The following CEP350 variants were observed in gnomAD, a reference collection of about 807,000 sequenced individuals.
CEP350 encodes centrosomal protein 350, also known as centrosome-associated protein 350.
A neutral mutation model predicts 331.8 loss-of-function variants in CEP350; 126 were observed. The observed-to-expected ratio is 0.38, with a 90% CI of 0.33 to 0.44. CEP350 has a LOEUF of 0.44. Ranked by LOEUF, CEP350 falls within the 20% of genes least tolerant of loss-of-function variation. The probability of loss-of-function intolerance (pLI) is 1.00; values close to 1 mark genes in which losing one functional copy is unlikely to be tolerated. For synonymous variants in CEP350, 1,200 were observed against 1,259.5 expected (o/e 0.95, Z 1.00); for missense variants, 3,406 against 3,634.6 (o/e 0.94, Z 1.62).
At position 179,992,167 on chromosome 1, in the gene CEP350, G is replaced by A. The variant is rs377285686; in HGVS notation, c.341G>A (p.Ser114Asn). Reference sequence around the variant, plus strand: ...CCTCTCAGGGCCACCACCCTGGAGAGTAATGTGAAGAAAAATAATCGTGTG... The same window carrying A: ...CCTCTCAGGGCCACCACCCTGGAGAATAATGTGAAGAAAAATAATCGTGTG... ...RSPLRATTLE[S>N]NVKKNNRVEF... is the part of the protein sequence containing the mutation. Residue 114 changes from serine to asparagine, a missense_variant, in exon 5 of 38, where the codon AGT (serine) becomes AAT (asparagine). Around this residue, in one of 5 missense-constraint regions of CEP350, gnomAD observed 1,857 missense variants for 1,909.2 expected, o/e 0.97. Transcript: ENST00000367607. The A allele has an allele frequency of 8.5e-6, 13 of 1,521,482 alleles. No individual in the cohort carries two copies. The African/African-American group carries it at 1.6e-4, about 18-fold the overall frequency. The allele number at this position is 1,521,482 out of a possible 1,614,324, so 94.2% of individuals were successfully genotyped here. A position where few individuals can be genotyped will look rare whatever the true frequency, so the allele number is the denominator to read the frequency against.
chr1:180,057,699 A>C (rs1395740151), intron 25 of CEP350, among the ~76,000 whole-genome samples: 1 of 151,942 alleles, frequency 6.6e-6, no homozygotes, highest in Non-Finnish European at 1.5e-5. Context: ...ATTTTATTAG[A>C]GTTATCAACT....
At chr1:180,056,880 CAAATT>C (rs1657883898) in intron 25 of CEP350, among the ~76,000 whole-genome samples, 2 of 152,180 alleles carry the variant, frequency 1.3e-5, no homozygotes, top group African/African-American at 4.8e-5. Context: ...TTCCTTAAAA[CAAATT>C]AAAAACTAAA....
intron 37 of CEP350, among the ~76,000 whole-genome samples, chr1:180,108,205 T>G (rs1661252498): frequency 6.6e-6 from 1 of 152,124 alleles, no homozygotes. Context: ...GGGGCTGCAT[T>G]GAGGTTACAC....
At chr1:180,013,150 A>G (rs1477308009) in intron 9 of CEP350, among the ~76,000 whole-genome samples, 1 of 152,204 alleles carries the variant, frequency 6.6e-6, no homozygotes, top group African/African-American at 2.4e-5. Flanking sequence ...TTTTAAAAAT[A>G]TTTGAGCATT....
intron 1 of CEP350, 43 bp downstream of exon 1, chr1:179,955,185 C>T (rs1217947186): frequency 7.5e-6 from 10 of 1,337,394 alleles, no homozygotes; most frequent in South Asian, 2.8e-5. Flanking sequence ...GAGTCTCGCT[C>T]AGCCTCAACT....
Position 180,075,133 on chromosome 1 carries a change from A to G in CEP350, c.5679A>G (p.Glu1893=). Residue 1893 remains glutamate (E), a synonymous_variant, in exon 28 of 38, where the codon GAA becomes GAG. Coordinates refer to ENST00000367607, the MANE Select transcript of CEP350 (RefSeq NM_014810.5). ...DAEEAEIRQM[E]KQALAAWDKE... is the part of the protein sequence containing the mutation. ...AAGAAGCAGAAATTCGTCAAATGGA[A>G]AAACAAGCTTTGGCTGCCTGGGACA... The G allele has an allele frequency of 6.2e-7, 1 of 1,613,772 alleles. No homozygotes were observed. The highest frequency in any genetic ancestry group is 2.2e-5 in the East Asian group (1 of 44,886).
Position 180,095,742 on chromosome 1 carries a change from G to C in CEP350, c.8731G>C (p.Glu2911Gln). The change falls in exon 35 of 38, where the codon GAA becomes CAA. Residue 2911 changes from glutamate to glutamine, a missense_variant. Glu to Gln is a conservative substitution (Grantham distance 29). This residue lies in a region of CEP350 where 1,415 missense variants were observed against 1,512.3 expected (regional missense o/e 0.94). Coordinates refer to ENST00000367607, the MANE Select transcript of CEP350 (RefSeq NM_014810.5). The stretch of plus-strand genomic sequence containing the variant: ...TAAAAGAGTAACCCAACAACCATGT[G>C]AAACATTATTGGCAGTCCCCCATAC... ...EPKRVTQQPC[E>Q]TLLAVPHTAE... The C allele has an allele frequency of 6.2e-7, 1 of 1,613,988 alleles. No individual in the cohort carries two copies. Among genetic ancestry groups the C allele is most frequent in the South Asian group, 1.1e-5 (1 of 91,084 alleles).
chr1:180,045,465 A>G (rs941969961), intron 21 of CEP350, among the ~76,000 whole-genome samples: 5 of 152,258 alleles, frequency 3.3e-5, no homozygotes, highest in Non-Finnish European at 7.3e-5. Context: ...GCATTTTTAC[A>G]GTTAACATAC....
intron 1 of CEP350, 62 bp downstream of exon 1, chr1:179,955,204 C>A (rs1298458270): frequency 2.4e-6 from 3 of 1,237,302 alleles, no homozygotes; most frequent in Non-Finnish European, 3.1e-6. Flanking sequence ...CTGTCTCTGT[C>A]CGCGGTCCCG....
chr1:180,048,556 G>T lies in CEP350; in HGVS notation c.4643G>T (p.Arg1548Leu), dbSNP rs368048303. 6.2e-7 allele frequency: 1 copy of T among 1,604,678 alleles called. No individual in the cohort carries two copies. Among genetic ancestry groups the T allele is most frequent in the Non-Finnish European group, 8.5e-7 (1 of 1,174,826 alleles). ...AAAAGAAGTAGCAGTGGTAGCAGCCGCCAAGAAAGTCCTTCAGTTCCATCT... is the reference window on the plus strand; with the variant it reads ...AAAAGAAGTAGCAGTGGTAGCAGCCTCCAAGAAAGTCCTTCAGTTCCATCT... ...HDRRSSSGSS[R>L]QESPSVPSCK... is the part of the protein sequence containing the mutation. The change falls in exon 22 of 38, where the codon CGC becomes CTC. Residue 1548 changes from arginine (R) to leucine (L), a missense_variant. Arg to Leu is a moderately radical substitution (Grantham distance 102, BLOSUM62 -2). Coordinates refer to ENST00000367607, the MANE Select transcript of CEP350 (RefSeq NM_014810.5).
intron 6 of CEP350, among the ~76,000 whole-genome samples, chr1:180,001,439 G>A (rs1350154830): frequency 1.3e-5 from 2 of 151,748 alleles, no homozygotes; most frequent in African/African-American, 4.8e-5. Context: ...TTGTATTTTT[G>A]GTAGAGATGG....
chr1:179,979,176 A>C (rs1652091052), intron 1 of CEP350, among the ~76,000 whole-genome samples: 1 of 152,150 alleles, frequency 6.6e-6, no homozygotes, highest in Non-Finnish European at 1.5e-5. Flanking sequence ...ACTAGTTTAC[A>C]TTCCCACCAA....
intron 15 of CEP350, among the ~76,000 whole-genome samples, chr1:180,032,082 G>A (rs1329587443): frequency 2.0e-5 from 3 of 152,012 alleles, no homozygotes; most frequent in Admixed American, 6.6e-5. Context: ...TGGAGCTTGC[G>A]TACTGTTTTT....
At chr1:179,970,272 C>T (rs1651347128) in intron 1 of CEP350, among the ~76,000 whole-genome samples, 1 of 152,140 alleles carries the variant, frequency 6.6e-6, no homozygotes, top group Non-Finnish European at 1.5e-5. Context: ...CAGTAAGTCA[C>T]TCAGTTTTTG....
intron 37 of CEP350, among the ~76,000 whole-genome samples, chr1:180,103,499 C>T (rs1271800706): frequency 2.6e-5 from 4 of 152,110 alleles, no homozygotes; most frequent in Non-Finnish European, 5.9e-5. Context: ...ATCATTCTGA[C>T]CTCTCGTTGC....
intron 22 of CEP350, chr1:180,052,346 T>C (rs1261623515): frequency 2.7e-6 from 1 of 372,974 alleles, no homozygotes; most frequent in African/African-American, 2.2e-5. Flanking sequence ...GCCCCTAGAT[T>C]GTGGTTTCTA....
At chr1:180,009,133 C>G (rs1347449456) in intron 8 of CEP350, among the ~76,000 whole-genome samples, 2 of 152,172 alleles carry the variant, frequency 1.3e-5, no homozygotes, top group East Asian at 3.8e-4. Context: ...CCTCAGCCTC[C>G]TGAGTAGCTG....
chr1:180,092,793 C>G lies in CEP350; in HGVS notation c.6688C>G (p.His2230Asp). Residue 2230 changes from histidine (H) to aspartate (D), a missense_variant, in exon 34 of 38, where the codon CAT (histidine) becomes GAT (aspartate). Around this residue, in one of 5 missense-constraint regions of CEP350, gnomAD observed 1,415 missense variants for 1,512.3 expected, o/e 0.94. Coordinates refer to ENST00000367607, the MANE Select transcript of CEP350 (RefSeq NM_014810.5). ...GDSLENVPAL[H>D]LLKELNATSR... ...TTCTCTAGAAAATGTACCTGCATTACATCTTCTCAAAGAATTAAATGCCAC... is the reference window on the plus strand; with the variant it reads ...TTCTCTAGAAAATGTACCTGCATTAGATCTTCTCAAAGAATTAAATGCCAC... 6.3e-7 allele frequency: 1 copy of G among 1,575,910 alleles called. No individual in the cohort carries two copies. Among genetic ancestry groups the G allele is most frequent in the Non-Finnish European group, 8.6e-7 (1 of 1,159,212 alleles).
intron 17 of CEP350, among the ~76,000 whole-genome samples, chr1:180,040,800 C>T (rs1370894740): frequency 1.3e-5 from 2 of 152,034 alleles, no homozygotes; most frequent in African/African-American, 4.8e-5. Flanking sequence ...GTTTGTGAGG[C>T]ATTATTTTTA....
Sources: gnomAD v4.1 joint callset for allele counts (sites outside exome capture counted in the v4.1 genomes callset) on GRCh38, gnomAD v4.1.1 for gene constraint, gnomAD v4.1.1 regional missense constraint, MANE v1.5 for transcripts, NCBI Gene and HGNC (gene_info 2026-07-23, HGNC 2026-07-21) for gene names.